EML6: variants seen among roughly 807,000 people sequenced by gnomAD.
The protein encoded by EML6 is EMAP like 6.
Under a neutral mutation model 240.1 loss-of-function variants are expected in EML6, and 154 were observed. That is an observed-to-expected ratio of 0.64 (90% CI 0.56 to 0.73). The LOEUF is 0.73. Ranked by LOEUF, EML6 falls within the 30% of genes least tolerant of loss-of-function variation. The pLI, the probability that EML6 is intolerant of heterozygous loss-of-function variation, is 0.00. For missense variants in EML6, 2,964 were observed against 2,474.6 expected (o/e 1.20, Z -4.20); for synonymous variants, 1,148 against 899.0 (o/e 1.28, Z -4.95).
At chr2:54,835,108 C>T (rs564991071) in intron 7 of EML6, among the ~76,000 whole-genome samples, 2 of 152,342 alleles carry the variant, frequency 1.3e-5, no homozygotes, top group South Asian at 4.1e-4. Flanking sequence ...CCCTCCTCTC[C>T]TTCAAACCTT....
At chr2:54,835,312 C>T (rs987350433) in intron 7 of EML6, among the ~76,000 whole-genome samples, 2 of 152,210 alleles carry the variant, frequency 1.3e-5, no homozygotes, top group East Asian at 1.9e-4. Context: ...TGATGCCTCC[C>T]ACCCACTTAG....
intron 11 of EML6, among the ~76,000 whole-genome samples, chr2:54,854,121 G>A (rs1236875352): frequency 5.3e-5 from 8 of 152,034 alleles, no homozygotes; most frequent in Admixed American, 4.6e-4. Flanking sequence ...TTCACATTTC[G>A]AACAAGTCAT....
chr2:54,793,576 C>T (rs1408493864), intron 2 of EML6, among the ~76,000 whole-genome samples: 1 of 152,110 alleles, frequency 6.6e-6, no homozygotes, highest in East Asian at 1.9e-4. Context: ...GCAATTGTTT[C>T]AAAGGCTGTG....
At chr2:54,800,982 C>T (rs1670106115) in intron 2 of EML6, among the ~76,000 whole-genome samples, 2 of 152,082 alleles carry the variant, frequency 1.3e-5, no homozygotes, top group South Asian at 4.1e-4. Flanking sequence ...TTATCTGTTT[C>T]CTTGAATTTT....
rs140554379 is a variant in EML6, at chr2:54,914,601, A to G, written c.3499-2158A>G. ...TGTTACCCTGTGGTGCACATTTGTT[A>G]CTCCAGAGGCTGATTCCTGATGATG... On this transcript the variant is annotated intron_variant, in intron 25 of 41. Transcript: ENST00000356458. 2.6e-3 allele frequency among the ~76,000 whole-genome samples: 402 copies of G among 152,184 alleles called. 3 individuals carry two copies. The highest frequency in any genetic ancestry group is 9.4e-3 in the African/African-American group (390 of 41,520).
At chr2:54,864,424 G>A (rs1401566073) in intron 13 of EML6, among the ~76,000 whole-genome samples, 1 of 152,202 alleles carries the variant, frequency 6.6e-6, no homozygotes, top group African/African-American at 2.4e-5. Context: ...TAGTAGGAAA[G>A]CTGATCAGCT....
chr2:54,849,873 C>A, intron 9 of EML6, 89 bp from the exon 10 acceptor site: 1 of 1,059,032 alleles, frequency 9.4e-7, no homozygotes, highest in Non-Finnish European at 1.4e-6. Flanking sequence ...TCTCTTTCAA[C>A]ACACTTCTTT....
chr2:54,737,111 C>A (rs1227260246), intron 2 of EML6, among the ~76,000 whole-genome samples: 1 of 152,060 alleles, frequency 6.6e-6, no homozygotes, highest in Non-Finnish European at 1.5e-5. Context: ...GAGGTAACAG[C>A]TTTGTGTCAC....
chr2:54,898,989 G>T (rs1043214695), intron 21 of EML6, among the ~76,000 whole-genome samples: 1 of 152,196 alleles, frequency 6.6e-6, no homozygotes, highest in African/African-American at 2.4e-5. Flanking sequence ...TTGGTCCAGT[G>T]CTTATTAAGC....
intron 2 of EML6, among the ~76,000 whole-genome samples, chr2:54,769,542 G>A (rs529105181): frequency 2.0e-5 from 3 of 147,476 alleles, no homozygotes; most frequent in East Asian, 2.0e-4. Flanking sequence ...ACTCTCCTAC[G>A]GCAGCCAGTA....
intron 3 of EML6, among the ~76,000 whole-genome samples, chr2:54,814,484 G>A (rs1354346850): frequency 6.6e-6 from 1 of 152,168 alleles, no homozygotes; most frequent in Non-Finnish European, 1.5e-5. Context: ...CCCTAAGGCG[G>A]GGCCTCTTCT....
intron 13 of EML6, among the ~76,000 whole-genome samples, chr2:54,866,308 G>T (rs1402096007): frequency 6.6e-6 from 1 of 152,144 alleles, no homozygotes; most frequent in Admixed American, 6.5e-5. Flanking sequence ...GACCAAGATT[G>T]ATCTTTGCTC....
chr2:54,817,757 G>T (rs1296028775), intron 4 of EML6, among the ~76,000 whole-genome samples: 4 of 152,018 alleles, frequency 2.6e-5, no homozygotes, highest in African/African-American at 9.7e-5. Context: ...GTAGAATGAG[G>T]CTCTAATTAA....
chr2:54,782,589 GT>G (rs1484991130), intron 2 of EML6, among the ~76,000 whole-genome samples: 1 of 151,086 alleles, frequency 6.6e-6, no homozygotes, highest in Non-Finnish European at 1.5e-5. Context: ...TGACTTCTCA[GT>G]TTTTTGTAAC....
At chr2:54,820,911 C>CT (rs1668304072) in intron 5 of EML6, among the ~76,000 whole-genome samples, 2 of 152,230 alleles carry the variant, frequency 1.3e-5, no homozygotes, top group East Asian at 1.9e-4. Flanking sequence ...ACAGTACAAA[C>CT]CTATCTGGAC....
At chr2:54,868,445 AT>A (rs1353854839) in intron 14 of EML6, 3 of 152,228 alleles carry the variant, frequency 2.0e-5, no homozygotes, top group Non-Finnish European at 2.9e-5. Context: ...TATTGAGTCT[AT>A]TCTCAGTTCT....
intron 25 of EML6, among the ~76,000 whole-genome samples, chr2:54,914,549 C>G (rs1673806987): frequency 3.7e-5 from 2 of 53,622 alleles, no homozygotes; most frequent in South Asian, 1.5e-3. Context: ...GTGACAGGCT[C>G]TTGCTCTGAA....
At chr2:54,939,783 T>A (rs966821580) in intron 28 of EML6, among the ~76,000 whole-genome samples, 1 of 152,186 alleles carries the variant, frequency 6.6e-6, no homozygotes, top group Non-Finnish European at 1.5e-5. Flanking sequence ...CATACAAGTC[T>A]AGGGGTGTGT....
At chr2:54,811,761 T>G (rs1358196651) in intron 2 of EML6, among the ~76,000 whole-genome samples, 1 of 152,222 alleles carries the variant, frequency 6.6e-6, no homozygotes. Flanking sequence ...TTCTGGGACA[T>G]CTAGGTACTT....
Sources: gnomAD v4.1 joint callset for allele counts (sites outside exome capture counted in the v4.1 genomes callset) on GRCh38, gnomAD v4.1.1 for gene constraint, MANE v1.5 for transcripts, NCBI Gene and HGNC (gene_info 2026-07-23, HGNC 2026-07-21) for gene names.